The following DRC5 variants were observed in gnomAD, a reference collection of about 807,000 sequenced individuals.
DRC5 encodes T-complex-associated testis-expressed protein 1.
the DRC5 span, among the ~76,000 whole-genome samples, chr6:44,288,987 C>G: frequency 2.2e-5 from 1 of 45,834 alleles, no homozygotes; most frequent in Non-Finnish European, 4.0e-5. Flanking sequence ...GAGCAAGACT[C>G]TGTCTCAAAA....
At chr6:44,279,397 T>C in the DRC5 span, 1 of 152,144 alleles carries the variant, frequency 6.6e-6, no homozygotes, top group African/African-American at 2.4e-5. Context: ...AGCGCAAAGA[T>C]TGTACAAATC....
the DRC5 span, among the ~76,000 whole-genome samples, chr6:44,295,601 C>T: frequency 6.7e-6 from 1 of 149,938 alleles, no homozygotes; most frequent in Non-Finnish European, 1.5e-5. Flanking sequence ...CCAGGGTTGT[C>T]CTCATTTCTG....
chr6:44,284,908 A>C, the DRC5 span, among the ~76,000 whole-genome samples: 1 of 152,184 alleles, frequency 6.6e-6, no homozygotes, highest in African/African-American at 2.4e-5. Context: ...ACATTTTCAC[A>C]TGTGAAATCC....
the DRC5 span, among the ~76,000 whole-genome samples, chr6:44,293,968 T>C: frequency 6.6e-6 from 1 of 152,240 alleles, no homozygotes; most frequent in Non-Finnish European, 1.5e-5. Flanking sequence ...AAATGTATAC[T>C]GACACTAATG....
the DRC5 span, chr6:44,286,295 G>C: frequency 1.2e-6 from 2 of 1,613,248 alleles, no homozygotes; most frequent in Non-Finnish European, 1.7e-6. Flanking sequence ...CGCAGGGTCT[G>C]TGGTGCCTGG....
the DRC5 span, chr6:44,286,248 CG>C: frequency 6.2e-7 from 1 of 1,612,654 alleles, no homozygotes; most frequent in Non-Finnish European, 8.5e-7. Flanking sequence ...ACCCTGCGCA[CG>C]TAATTCCGGC....
the DRC5 span, chr6:44,286,324 G>T: frequency 1.9e-6 from 3 of 1,613,662 alleles, no homozygotes; most frequent in Non-Finnish European, 8.5e-7. Flanking sequence ...GCTTTAGCAG[G>T]TTCTCCAGGT....
the DRC5 span, among the ~76,000 whole-genome samples, chr6:44,294,772 C>CAAAAAAAAAAAAAAAAAAAAA: frequency 2.3e-5 from 2 of 88,772 alleles, no homozygotes; most frequent in Non-Finnish European, 4.1e-5. Flanking sequence ...AACTCTGTCT[C>CAAAAAAAAAAAAAAAAAAAAA]AAAAAAAAAA....
At chr6:44,280,297 A>G in the DRC5 span, 1 of 1,613,924 alleles carries the variant, frequency 6.2e-7, no homozygotes, top group South Asian at 1.1e-5. Flanking sequence ...CCAATGAGGT[A>G]CTCGCTTTCC....
chr6:44,282,678 G>GC, the DRC5 span: 1 of 761,810 alleles, frequency 1.3e-6, no homozygotes, highest in Non-Finnish European at 2.1e-6. Context: ...CTTGGAGGGG[G>GC]CCAGGCCTAC....
the DRC5 span, among the ~76,000 whole-genome samples, chr6:44,290,567 T>C: frequency 2.0e-5 from 3 of 152,062 alleles, no homozygotes; most frequent in Non-Finnish European, 4.4e-5. Flanking sequence ...AGGGTGGTGT[T>C]GGGGGCTCAT....
the DRC5 span, chr6:44,287,921 GGAGCAAA>G: frequency 6.8e-7 from 1 of 1,468,116 alleles, no homozygotes; most frequent in Non-Finnish European, 9.1e-7. Flanking sequence ...GTAGGGATCT[GGAGCAAA>G]AGGAAGAGGG....
chr6:44,285,016 C>A, the DRC5 span, among the ~76,000 whole-genome samples: 3 of 152,220 alleles, frequency 2.0e-5, no homozygotes, highest in Admixed American at 2.0e-4. Context: ...CTTCACCCAG[C>A]AAGGCTGACC....
At chr6:44,283,916 G>C in the DRC5 span, among the ~76,000 whole-genome samples, 1 of 152,170 alleles carries the variant, frequency 6.6e-6, no homozygotes, top group Non-Finnish European at 1.5e-5. Flanking sequence ...ATGGGAACCT[G>C]TCATTTTCCT....
the DRC5 span, among the ~76,000 whole-genome samples, chr6:44,295,507 A>G: frequency 6.6e-6 from 1 of 152,172 alleles, no homozygotes; most frequent in African/African-American, 2.4e-5. Flanking sequence ...CTATACCAGG[A>G]CATTAACTCA....
the DRC5 span, chr6:44,287,109 G>A: frequency 1.2e-6 from 1 of 807,642 alleles, no homozygotes; most frequent in East Asian, 1.3e-4. Context: ...CGCCCCATCT[G>A]GTAGGAGAGG....
the DRC5 span, chr6:44,287,498 T>G: frequency 1.3e-6 from 2 of 1,540,198 alleles, no homozygotes; most frequent in Non-Finnish European, 1.8e-6. Context: ...CCCACCCACC[T>G]AGCCCCCCTC....
At chr6:44,279,993 C>T in the DRC5 span, 1 of 575,020 alleles carries the variant, frequency 1.7e-6, no homozygotes, top group Non-Finnish European at 3.1e-6. Context: ...CTACTGCATA[C>T]CCTTTCTTCC....
the DRC5 span, among the ~76,000 whole-genome samples, chr6:44,297,112 G>A: frequency 1.7e-3 from 265 of 152,304 alleles, 1 homozygote; most frequent in African/African-American, 6.0e-3. Flanking sequence ...CAGCAGAGAA[G>A]CTCAGCTCCA....
Sources: allele counts gnomAD v4.1 joint callset (sites outside exome capture counted in the v4.1 genomes callset), GRCh38; gene constraint gnomAD v4.1.1; transcripts MANE v1.5; gene names NCBI Gene and HGNC (gene_info 2026-07-23, HGNC 2026-07-21).